SERTM2: variants seen among roughly 807,000 people sequenced by gnomAD.
SERTM2 encodes serine rich and transmembrane domain containing 2, also known as serine-rich and transmembrane domain-containing protein 2.
Position 111,522,264 on chromosome X carries a change from A to C in SERTM2, c.*3134A>C, listed in dbSNP as rs1050667772. On this transcript the variant is annotated 3_prime_UTR_variant, in exon 3 of 3. Transcript: ENST00000569275. ...AATGAAGAATTGTGTGGAATAAAAAATTGAGTTTCTTTTGTTTGAAATTAT... is the reference window on the plus strand; with the variant it reads ...AATGAAGAATTGTGTGGAATAAAAACTTGAGTTTCTTTTGTTTGAAATTAT... 7 of 112,222 alleles carry C rather than the reference A, an allele frequency of 6.2e-5. No homozygotes were observed. Among genetic ancestry groups the C allele is most frequent in the Admixed American group, 9.4e-5 (1 of 10,597 alleles). The allele number at this position is 112,222 out of a possible 1,213,427, so 9.2% of individuals were successfully genotyped here.
rs1262096723 is a variant in SERTM2, at chrX:111,518,112, T to C, written c.-746T>C. On this transcript the variant is annotated 5_prime_UTR_variant, in exon 3 of 3. Coordinates refer to ENST00000569275, the MANE Select transcript of SERTM2 (RefSeq NM_001354473.2). ...CTGTTGGAGAATCTGAAGAGCCAAATCTCCTGAGCCTAGGCCTACTGCTGT... is the reference window on the plus strand; with the variant it reads ...CTGTTGGAGAATCTGAAGAGCCAAACCTCCTGAGCCTAGGCCTACTGCTGT... 9.0e-6 allele frequency: 1 copy of C among 111,514 alleles called. No individual in the cohort carries two copies. Among genetic ancestry groups the C allele is most frequent in the Non-Finnish European group, 1.9e-5 (1 of 53,070 alleles). 9.2% of individuals were successfully genotyped at this position (111,514 alleles called of 1,213,427 possible). A position where few individuals can be genotyped will look rare whatever the true frequency, so the allele number is the denominator to read the frequency against.
In SERTM2 at chrX:111,519,155, T is replaced by A; in HGVS notation, c.*25T>A. ...AAGCCAGGATGAAGGTGAGCTTTAG[T>A]GGATCTGGGTAAACCCTTATATATG... On this transcript the variant is annotated 3_prime_UTR_variant, in exon 3 of 3. Coordinates refer to ENST00000569275, the MANE Select transcript of SERTM2 (RefSeq NM_001354473.2). 6.7e-6 allele frequency: 2 copies of A among 297,179 alleles called. No homozygotes were observed. The highest frequency in any genetic ancestry group is 1.2e-5 in the Non-Finnish European group (2 of 169,919). The allele number at this position is 297,179 out of a possible 1,213,427, so 24.5% of individuals were successfully genotyped here.
intron 2 of SERTM2, among the ~76,000 whole-genome samples, chrX:111,516,795 C>A (rs1930320339): frequency 9.0e-6 from 1 of 110,934 alleles, no homozygotes; most frequent in African/African-American, 3.3e-5. Flanking sequence ...AAGCTGGGGG[C>A]AAAATTCAAT....
chrX:111,516,202 G>C (rs1930306918), intron 2 of SERTM2, among the ~76,000 whole-genome samples: 1 of 104,513 alleles, frequency 9.6e-6, no homozygotes, highest in Non-Finnish European at 2.0e-5. Flanking sequence ...GTATGCCTCT[G>C]TCTTCTCCTC....
In SERTM2 at chrX:111,520,050, T is replaced by C. The variant is rs745366713; in HGVS notation, c.*920T>C. The C allele has an allele frequency of 9.0e-6, 1 of 111,154 alleles. No individual in the cohort carries two copies. The highest frequency in any genetic ancestry group is 3.8e-4 in the South Asian group (1 of 2,605). 9.2% of individuals were successfully genotyped at this position (111,154 alleles called of 1,213,427 possible). On this transcript the variant is annotated 3_prime_UTR_variant, in exon 3 of 3. Coordinates refer to ENST00000569275, the MANE Select transcript of SERTM2 (RefSeq NM_001354473.2). Reference sequence around the variant, plus strand: ...TTTAGTCATCACTATACTCTTTAGATCTGAGCATAAAAAAAAGAGAGAGAG... The same window carrying C: ...TTTAGTCATCACTATACTCTTTAGACCTGAGCATAAAAAAAAGAGAGAGAG...
intron 2 of SERTM2, among the ~76,000 whole-genome samples, chrX:111,514,849 A>C (rs1930282666): frequency 9.0e-6 from 1 of 111,268 alleles, no homozygotes. Flanking sequence ...TTTTTTATAA[A>C]GTTCAAAACA....
In SERTM2 at chrX:111,521,000, GA is replaced by G. The variant is rs1337543485; in HGVS notation, c.*1872del. On this transcript the variant is annotated 3_prime_UTR_variant, in exon 3 of 3. Transcript: ENST00000569275. ...ACACCCCCCCTCCAGAACTTCTTAA[GA>G]ACACACATCTTCCCTCATTCCAGGC... is the stretch of plus-strand genomic sequence containing the variant. 1 of 111,388 alleles carries G rather than the reference GA, an allele frequency of 9.0e-6. No homozygotes were observed. The allele number at this position is 111,388 out of a possible 1,213,427, so 9.2% of individuals were successfully genotyped here.
chrX:111,514,913 A>G, intron 2 of SERTM2, among the ~76,000 whole-genome samples: 1 of 110,219 alleles, frequency 9.1e-6, no homozygotes, highest in African/African-American at 3.3e-5. Flanking sequence ...GTGTGTGTAA[A>G]TAAAAGGAAG....
In SERTM2 at chrX:111,522,228, T is replaced by C. The variant is rs932284773; in HGVS notation, c.*3098T>C. 5.3e-5 allele frequency: 6 copies of C among 112,150 alleles called. No individual in the cohort carries two copies. The highest frequency in any genetic ancestry group is 1.9e-4 in the African/African-American group (6 of 30,895). The allele number at this position is 112,150 out of a possible 1,213,427, so 9.2% of individuals were successfully genotyped here. A position where few individuals can be genotyped will look rare whatever the true frequency, so the allele number is the denominator to read the frequency against. ...CACTTGCATTTGTACAAAAGAACTT[T>C]TTTTTAACAAAATGAAGAATTGTGT... is the stretch of plus-strand genomic sequence containing the variant. On this transcript the variant is annotated 3_prime_UTR_variant, in exon 3 of 3. Transcript: ENST00000569275.
intron 2 of SERTM2, 94 bp downstream of exon 2, chrX:111,512,188 G>T: frequency 3.5e-6 from 1 of 284,038 alleles, no homozygotes; most frequent in East Asian, 4.9e-5. Context: ...GGCACCATCT[G>T]CTGCAGAAGA....
intron 2 of SERTM2, among the ~76,000 whole-genome samples, chrX:111,512,737 A>T (rs1170816784): frequency 9.0e-6 from 1 of 111,570 alleles, no homozygotes; most frequent in Non-Finnish European, 1.9e-5. Flanking sequence ...CACTCAAAGA[A>T]TCCCTCTCGG....
chrX:111,515,086 G>A (rs1298545510), intron 2 of SERTM2, among the ~76,000 whole-genome samples: 1 of 110,800 alleles, frequency 9.0e-6, no homozygotes, highest in East Asian at 2.8e-4. Context: ...GTCCATGGGT[G>A]TTCAATATAT....
Position 111,521,344 on chromosome X carries a change from T to C in SERTM2, c.*2214T>C, listed in dbSNP as rs1930407724. ...ACCCCATGGGGATCCAGCTCGTCAC[T>C]GAGCATTAACCAAAGCACACAGCAC... On this transcript the variant is annotated 3_prime_UTR_variant, in exon 3 of 3. Transcript: ENST00000569275. 9.0e-6 allele frequency: 1 copy of C among 111,330 alleles called. No individual in the cohort carries two copies. 9.2% of individuals were successfully genotyped at this position (111,330 alleles called of 1,213,427 possible). A position where few individuals can be genotyped will look rare whatever the true frequency, so the allele number is the denominator to read the frequency against.
rs1010959158 is a variant in SERTM2 at position 111,521,666 on chromosome X, C to A, written c.*2536C>A. 2 of 109,176 alleles carry A rather than the reference C, an allele frequency of 1.8e-5. No homozygotes were observed. Among genetic ancestry groups the A allele is most frequent in the South Asian group, 4.0e-4 (1 of 2,474 alleles). 9.0% of individuals were successfully genotyped at this position (109,176 alleles called of 1,213,427 possible). A position where few individuals can be genotyped will look rare whatever the true frequency, so the allele number is the denominator to read the frequency against. On this transcript the variant is annotated 3_prime_UTR_variant, in exon 3 of 3. Transcript: ENST00000569275. ...AATGCTGACTTGGATTGCCTTCCCC[C>A]ACCCCCACTCCCTCCAAAATTGCAC...
intron 2 of SERTM2, among the ~76,000 whole-genome samples, chrX:111,515,244 G>C (rs1055685728): frequency 4.5e-5 from 5 of 111,584 alleles, no homozygotes; most frequent in African/African-American, 1.6e-4. Flanking sequence ...TCTCCCACTT[G>C]ACTTGCACTA....
intron 2 of SERTM2, 74 bp downstream of exon 2, chrX:111,512,168 G>A: frequency 3.5e-6 from 1 of 285,096 alleles, no homozygotes; most frequent in Non-Finnish European, 6.2e-6. Flanking sequence ...ATCGGCAGGT[G>A]TGACAAATAG....
At chrX:111,517,812 G>A (rs762674916) in intron 2 of SERTM2, among the ~76,000 whole-genome samples, 5 of 110,156 alleles carry the variant, frequency 4.5e-5, no homozygotes, top group Non-Finnish European at 9.5e-5. Flanking sequence ...ATATTAATAA[G>A]TACCCCCAAG....
intron 2 of SERTM2, among the ~76,000 whole-genome samples, chrX:111,512,297 C>A (rs1355068583): frequency 2.7e-5 from 3 of 111,947 alleles, no homozygotes; most frequent in Non-Finnish European, 3.8e-5. Flanking sequence ...TGATGTGGAA[C>A]TAGACACACT....
rs1382069625 is a variant in SERTM2, at chrX:111,522,144, A to G, written c.*3014A>G. On this transcript the variant is annotated 3_prime_UTR_variant, in exon 3 of 3. Transcript: ENST00000569275. ...GCAGATCCCACCATACTTACTAAGTAGGTATAAGGGATCCATTTTAATACA... is the reference window on the plus strand; with the variant it reads ...GCAGATCCCACCATACTTACTAAGTGGGTATAAGGGATCCATTTTAATACA... 6 of 111,816 alleles carry G rather than the reference A, an allele frequency of 5.4e-5. No individual in the cohort carries two copies. In the Admixed American group the frequency reaches 5.7e-4, roughly 11 times the overall value. The allele number at this position is 111,816 out of a possible 1,213,427, so 9.2% of individuals were successfully genotyped here.
Sources: gnomAD v4.1 joint callset for allele counts (sites outside exome capture counted in the v4.1 genomes callset) on GRCh38, gnomAD v4.1.1 for gene constraint, MANE v1.5 for transcripts, NCBI Gene and HGNC (gene_info 2026-07-23, HGNC 2026-07-21) for gene names.